Variants in SYN3 observed in about 807,000 individuals in gnomAD.
The protein encoded by SYN3 is synapsin III.
In SYN3, 35 loss-of-function variants were observed where a neutral mutation model predicts 65.8. The ratio of observed to expected loss-of-function variants is 0.53; its 90% CI spans 0.41 to 0.70. The LOEUF (loss-of-function observed/expected upper bound fraction) is 0.70, where lower values mean the gene tolerates loss of function less well. Among genes scored for constraint, SYN3 ranks in the 30% least tolerant of loss-of-function variants. SYN3 has a pLI of 0.00. For synonymous variants in SYN3, 270 were observed against 292.9 expected (o/e 0.92, Z 0.80); for missense variants, 680 against 749.0 (o/e 0.91, Z 1.08).
intron 12 of SYN3, among the ~76,000 whole-genome samples, chr22:32,524,157 A>T (rs1449599718): frequency 6.6e-6 from 1 of 152,256 alleles, no homozygotes; most frequent in African/African-American, 2.4e-5. Context: ...AGTGCTGACG[A>T]AGAAGCTGCA....
chr22:32,570,883 C>A (rs913358882), intron 7 of SYN3, among the ~76,000 whole-genome samples: 1 of 151,868 alleles, frequency 6.6e-6, no homozygotes, highest in Non-Finnish European at 1.5e-5. Context: ...AGGGGGGACA[C>A]AAATGAACAT....
rs559634123 is a variant in SYN3, at chr22:32,942,097, A to G, written c.370-10616T>C. Among the ~76,000 whole-genome samples, 594 of 152,308 alleles carry G rather than the reference A, an allele frequency of 3.9e-3. 3 individuals are homozygous for G. Among genetic ancestry groups the G allele is most frequent in the African/African-American group, 0.014 (574 of 41,566 alleles). ...CCTGTCTGACAGCTTTGAAGAGAGT[A>G]GTGGTTCTCCCAGCATGGAGTTTGA... On this transcript the variant is annotated intron_variant, in intron 3 of 13. Transcript: ENST00000358763.
intron 6 of SYN3, among the ~76,000 whole-genome samples, chr22:32,740,812 G>A (rs1388788891): frequency 6.6e-6 from 1 of 152,152 alleles, no homozygotes; most frequent in East Asian, 1.9e-4. Context: ...TGCCACTGGA[G>A]GCATTCGAGA....
chr22:32,787,117 G>A (rs1234686283), intron 6 of SYN3, among the ~76,000 whole-genome samples: 2 of 147,724 alleles, frequency 1.4e-5, no homozygotes, highest in African/African-American at 2.5e-5. Context: ...ATGCAATCTC[G>A]GCTCACTGCA....
intron 1 of SYN3, among the ~76,000 whole-genome samples, chr22:33,055,231 A>G (rs746301715): frequency 1.3e-5 from 2 of 152,242 alleles, no homozygotes; most frequent in East Asian, 1.9e-4. Context: ...AAATCCTTCA[A>G]TGATTCGTTT....
At chr22:32,572,400 C>CTCCTTCT (rs2058781439) in intron 7 of SYN3, among the ~76,000 whole-genome samples, 3 of 37,244 alleles carry the variant, frequency 8.1e-5, no homozygotes, top group Non-Finnish European at 1.9e-4. Flanking sequence ...CCTTCCCTCC[C>CTCCTTCT]TCCCTCCTGT....
intron 6 of SYN3, among the ~76,000 whole-genome samples, chr22:32,673,422 G>A (rs533371491): frequency 3.3e-5 from 5 of 152,202 alleles, no homozygotes; most frequent in Non-Finnish European, 5.9e-5. Context: ...TGGGCCGTTC[G>A]GTCATTGCTC....
intron 6 of SYN3, among the ~76,000 whole-genome samples, chr22:32,671,823 G>T (rs988840479): frequency 6.7e-6 from 1 of 148,708 alleles, no homozygotes; most frequent in Non-Finnish European, 1.5e-5. Context: ...TGTGACACAG[G>T]TGCACACACA....
chr22:32,556,803 G>GTTTTTT (rs1491135400), intron 7 of SYN3, among the ~76,000 whole-genome samples: 452 of 35,228 alleles, frequency 0.013, 123 homozygotes, highest in East Asian at 0.015. Flanking sequence ...TAGGTTTCCT[G>GTTTTTT]GTTTTTTTTT....
At chr22:32,982,556 T>C (rs1343318265) in intron 2 of SYN3, among the ~76,000 whole-genome samples, 1 of 152,246 alleles carries the variant, frequency 6.6e-6, no homozygotes, top group Non-Finnish European at 1.5e-5. Context: ...ACTGAGAGTC[T>C]CTTCATATTG....
chr22:32,884,601 C>T (rs932614218), intron 4 of SYN3, among the ~76,000 whole-genome samples: 4 of 152,152 alleles, frequency 2.6e-5, no homozygotes, highest in Admixed American at 1.3e-4. Flanking sequence ...ATTTCGTGGC[C>T]GGGTGCGGTG....
chr22:33,036,605 G>C (rs1343458717), intron 1 of SYN3, among the ~76,000 whole-genome samples: 2 of 150,782 alleles, frequency 1.3e-5, no homozygotes, highest in Non-Finnish European at 2.9e-5. Flanking sequence ...TGCTGCCCTG[G>C]AAATTCAAAA....
At chr22:32,716,751 G>A (rs764057542) in intron 6 of SYN3, among the ~76,000 whole-genome samples, 2 of 152,082 alleles carry the variant, frequency 1.3e-5, no homozygotes, top group Non-Finnish European at 2.9e-5. Flanking sequence ...TCGAATTCCT[G>A]AGCTCAAGTA....
At chr22:32,741,925 C>G (rs547708156) in intron 6 of SYN3, among the ~76,000 whole-genome samples, 1 of 152,182 alleles carries the variant, frequency 6.6e-6, no homozygotes, top group African/African-American at 2.4e-5. Context: ...TTATTTGACC[C>G]AAGTATTTAC....
intron 1 of SYN3, chr22:33,057,864 C>T (rs1210260740): frequency 6.6e-6 from 1 of 152,332 alleles, no homozygotes; most frequent in African/African-American, 2.4e-5. Context: ...CCCAAGGCAA[C>T]AGGTCATGAG....
chr22:32,930,173 TG>T (rs1219822934), intron 4 of SYN3, among the ~76,000 whole-genome samples: 2 of 152,170 alleles, frequency 1.3e-5, no homozygotes, highest in African/African-American at 2.4e-5. Context: ...AATCTTATCT[TG>T]AATTGTAGCT....
At chr22:32,971,469 A>C (rs2052017116) in intron 3 of SYN3, among the ~76,000 whole-genome samples, 1 of 152,226 alleles carries the variant, frequency 6.6e-6, no homozygotes, top group African/African-American at 2.4e-5. Context: ...CAGAGCGGGT[A>C]GAGTTCTGTC....
chr22:32,869,259 G>A (rs1253643815), intron 4 of SYN3, 134 bp from the exon 5 acceptor site: 4 of 828,104 alleles, frequency 4.8e-6, no homozygotes, highest in Admixed American at 2.4e-5. Flanking sequence ...GCAGGTGGGG[G>A]ATGAGGGCAG....
chr22:32,509,597 C>T lies in SYN3; in HGVS notation c.*4095G>A. Among the ~76,000 whole-genome samples the T allele has an allele frequency of 6.6e-6, 1 of 151,954 alleles. No individual in the cohort carries two copies. Among genetic ancestry groups the T allele is most frequent in the African/African-American group, 2.4e-5 (1 of 41,382 alleles). On this transcript the variant is annotated 3_prime_UTR_variant, in exon 14 of 14. Transcript: ENST00000358763. ...TATTATTATTATTTTGAGACAGAGT[C>T]TCACTCTGTTGCCCAGGCTGGAGTG...
Sources: allele counts gnomAD v4.1 joint callset (sites outside exome capture counted in the v4.1 genomes callset), GRCh38; gene constraint gnomAD v4.1.1; transcripts MANE v1.5; gene names NCBI Gene and HGNC (gene_info 2026-07-23, HGNC 2026-07-21).